Variants in ZBTB2 observed in about 807,000 individuals in gnomAD.
The protein encoded by ZBTB2 is zinc finger and BTB domain-containing protein 2.
Under a neutral mutation model 39.5 loss-of-function variants are expected in ZBTB2, and 2 were observed. The ratio of observed to expected loss-of-function variants is 0.05; its 90% confidence interval spans 0.02 to 0.16. The LOEUF (loss-of-function observed/expected upper bound fraction) is 0.16. Ranked by LOEUF, ZBTB2 falls within the 10% of genes least tolerant of loss-of-function variation. The pLI, the probability that ZBTB2 is intolerant of heterozygous loss-of-function variation, is 1.00. For synonymous variants in ZBTB2, 251 were observed against 256.6 expected, an observed-to-expected ratio of 0.98 and a Z score of 0.21; for missense variants, 391 against 653.0, an observed-to-expected ratio of 0.60 and a Z score of 4.37.
In ZBTB2 at chr6:151,366,155, T is replaced by C. The variant is rs375763873; in HGVS notation, c.911A>G (p.Lys304Arg). ...GGCTTCAGGCACTTCCATGGCATCTTTCCCGAGGTCAGCTGCATTGCTACA... is the reference window on the plus strand; with the variant it reads ...GGCTTCAGGCACTTCCATGGCATCTCTCCCGAGGTCAGCTGCATTGCTACA... ...TLCSNAADLGKDAMEVPEAGM... is the reference protein window; with the variant it reads ...TLCSNAADLGRDAMEVPEAGM... Residue 304 changes from lysine to arginine, a missense_variant, in exon 3 of 3, where the codon AAA (lysine) becomes AGA (arginine). Lys to Arg is a conservative substitution (Grantham distance 26, BLOSUM62 2). Around this residue, in one of 7 missense-constraint regions of ZBTB2, gnomAD observed 80 missense variants for 125.2 expected, o/e 0.64. Transcript: ENST00000325144. The surrounding 1 kb of genome is among the most constrained non-coding windows in gnomAD (Gnocchi z 7.1). 1.1e-5 allele frequency: 17 copies of C among 1,614,020 alleles called. No individual in the cohort carries two copies. The highest frequency in any genetic ancestry group is 5.3e-5 in the African/African-American group (4 of 74,908).
At chr6:151,373,121 C>T (rs1292683715) in intron 2 of ZBTB2, among the ~76,000 whole-genome samples, 1 of 130,748 alleles carries the variant, frequency 7.6e-6, no homozygotes, top group Non-Finnish European at 1.6e-5. Flanking sequence ...CACCACTGCA[C>T]TCCAGCCTAG....
Position 151,366,958 on chromosome 6 carries a change from G to GA in ZBTB2, c.174-67dup, listed in dbSNP as rs772117043. The GA allele has an allele frequency of 1.5e-5, 22 of 1,459,032 alleles. No individual in the cohort carries two copies. The highest frequency in any genetic ancestry group is 5.7e-5 in the African/African-American group (4 of 70,500). 90.4% of individuals were successfully genotyped at this position (1,459,032 alleles called of 1,614,324 possible). A position where few individuals can be genotyped will look rare whatever the true frequency, so the allele number is the denominator to read the frequency against. ...TCTAGGTGTTAACATAAAGCCTGAA[G>GA]AAAAAAATGAATGCTTAAAAACAAA... On this transcript the variant is annotated intron_variant, in intron 2 of 2. Coordinates refer to ENST00000325144, the MANE Select transcript of ZBTB2 (RefSeq NM_020861.3). The surrounding 1 kb of genome is among the most constrained non-coding windows in gnomAD (Gnocchi z 7.1).
At chr6:151,384,701 G>C (rs1164979742) in intron 1 of ZBTB2, among the ~76,000 whole-genome samples, 1 of 152,174 alleles carries the variant, frequency 6.6e-6, no homozygotes, top group Admixed American at 6.5e-5. Context: ...TTGGGTTTGA[G>C]ATACTTTTGA....
chr6:151,391,394 G>C (rs1303438622), intron 1 of ZBTB2, 26 bp downstream of exon 1: 1 of 151,954 alleles, frequency 6.6e-6, no homozygotes, highest in East Asian at 2.0e-4. Context: ...CACCGGCCCC[G>C]GGAGGCGGAG....
At chr6:151,374,125 C>G (rs149944804) in intron 1 of ZBTB2, among the ~76,000 whole-genome samples, 1 of 152,102 alleles carries the variant, frequency 6.6e-6, no homozygotes, top group Non-Finnish European at 1.5e-5. Context: ...AATTCTTCCA[C>G]AGAGATAGAT....
intron 1 of ZBTB2, among the ~76,000 whole-genome samples, chr6:151,374,799 A>AC (rs1778865387): frequency 8.9e-6 from 1 of 112,418 alleles, no homozygotes; most frequent in African/African-American, 2.6e-5. Flanking sequence ...CAAGGCATCT[A>AC]TTAAAAAAAA....
At chr6:151,387,988 G>A (rs1178093007) in intron 1 of ZBTB2, among the ~76,000 whole-genome samples, 1 of 151,800 alleles carries the variant, frequency 6.6e-6, no homozygotes, top group East Asian at 1.9e-4. Flanking sequence ...AGTTTAATTT[G>A]CTAGCACAAA....
intron 2 of ZBTB2, among the ~76,000 whole-genome samples, chr6:151,372,365 TGAG>T (rs1778805744): frequency 1.3e-5 from 2 of 151,788 alleles, no homozygotes; most frequent in African/African-American, 4.8e-5. Flanking sequence ...GAGTGTGGGA[TGAG>T]GAGAGTGCAG....
rs1778641983 is a variant in ZBTB2 at position 151,366,151 on chromosome 6, A to T, written c.915T>A (p.Asp305Glu). 6.2e-7 allele frequency: 1 copy of T among 1,613,940 alleles called. No homozygotes were observed. Among genetic ancestry groups the T allele is most frequent in the Non-Finnish European group, 8.5e-7 (1 of 1,180,034 alleles). The change falls in exon 3 of 3, where the codon GAT (aspartate) becomes GAA (glutamate). Residue 305 changes from aspartate (D) to glutamate (E), a missense_variant. Asp to Glu is a conservative substitution (Grantham distance 45). Around this residue, in one of 7 missense-constraint regions of ZBTB2, gnomAD observed 80 missense variants for 125.2 expected, o/e 0.64. Transcript: ENST00000325144. This position sits in a 1 kb window ranked among gnomAD's most constrained non-coding sequence, Gnocchi z 7.1. ...TCCCGGCTTCAGGCACTTCCATGGCATCTTTCCCGAGGTCAGCTGCATTGC... is the reference window on the plus strand; with the variant it reads ...TCCCGGCTTCAGGCACTTCCATGGCTTCTTTCCCGAGGTCAGCTGCATTGC... ...LCSNAADLGKDAMEVPEAGMI... is the reference protein window; with the variant it reads ...LCSNAADLGKEAMEVPEAGMI...
In ZBTB2 at chr6:151,365,614, A is replaced by T; in HGVS notation, c.1452T>A (p.Ile484=). ...DVFALDEGRS[I]LLGSGDSEVT... ...CTTCCGAGTCCCCACTGCCCAGGAGAATGGATCGCCCTTCGTCTAGGGCAA... is the reference window on the plus strand; with the variant it reads ...CTTCCGAGTCCCCACTGCCCAGGAGTATGGATCGCCCTTCGTCTAGGGCAA... Residue 484 remains isoleucine (I), a synonymous_variant, in exon 3 of 3, where the codon ATT becomes ATA. Transcript: ENST00000325144. The surrounding 1 kb of genome is among the most constrained non-coding windows in gnomAD (Gnocchi z 5.6). 6.2e-7 allele frequency: 1 copy of T among 1,614,186 alleles called. No homozygotes were observed. The highest frequency in any genetic ancestry group is 8.5e-7 in the Non-Finnish European group (1 of 1,180,040).
intron 2 of ZBTB2, among the ~76,000 whole-genome samples, chr6:151,371,715 C>T (rs749122520): frequency 7.2e-5 from 11 of 152,002 alleles, no homozygotes; most frequent in Non-Finnish European, 1.5e-4. Flanking sequence ...TCTGATCCAA[C>T]GAATAACCCA....
At chr6:151,373,366 G>A in intron 2 of ZBTB2, 99 bp downstream of exon 2, 1 of 1,316,890 alleles carries the variant, frequency 7.6e-7, no homozygotes, top group South Asian at 1.3e-5. Flanking sequence ...TCACCTAGGA[G>A]CTAGGAGACG....
chr6:151,390,423 G>C (rs1200655271), intron 1 of ZBTB2, among the ~76,000 whole-genome samples: 3 of 150,046 alleles, frequency 2.0e-5, no homozygotes, highest in Non-Finnish European at 4.5e-5. Flanking sequence ...CACGCTCGCC[G>C]CTTCCCTCAG....
intron 1 of ZBTB2, among the ~76,000 whole-genome samples, chr6:151,373,870 A>AAAAAAAAAAACAAAACAAAAC (rs1778843577): frequency 8.1e-6 from 1 of 123,568 alleles, no homozygotes; most frequent in African/African-American, 3.6e-5. Context: ...AAAAAAAAAA[A>AAAAAAAAAAACAAAACAAAAC]AAAAAAACCA....
chr6:151,389,816 G>A (rs1409374200), intron 1 of ZBTB2, among the ~76,000 whole-genome samples: 4 of 152,148 alleles, frequency 2.6e-5, no homozygotes, highest in Non-Finnish European at 5.9e-5. Flanking sequence ...TCCCGGCCCA[G>A]GCACTCGCCT....
intron 2 of ZBTB2, among the ~76,000 whole-genome samples, chr6:151,372,083 G>A (rs888083852): frequency 2.2e-4 from 34 of 152,116 alleles, no homozygotes; most frequent in African/African-American, 7.7e-4. Flanking sequence ...CAGCAGAGGC[G>A]AGATCTAGGA....
Position 151,364,150 on chromosome 6 carries a change from T to C in ZBTB2, c.*1371A>G, listed in dbSNP as rs1375468139. ...ATTAAACGTTTATTCAATGAAAGGATGTATAAAAACTTACAAATTTGAGAA... is the reference window on the plus strand; with the variant it reads ...ATTAAACGTTTATTCAATGAAAGGACGTATAAAAACTTACAAATTTGAGAA... On this transcript the variant is annotated 3_prime_UTR_variant, in exon 3 of 3. Coordinates refer to ENST00000325144, the MANE Select transcript of ZBTB2 (RefSeq NM_020861.3). The C allele has an allele frequency of 1.3e-5, 2 of 152,552 alleles. No individual in the cohort carries two copies. Among genetic ancestry groups the C allele is most frequent in the Non-Finnish European group, 2.9e-5 (2 of 68,028 alleles). 9.4% of individuals were successfully genotyped at this position (152,552 alleles called of 1,614,324 possible).
intron 1 of ZBTB2, among the ~76,000 whole-genome samples, chr6:151,385,677 T>A (rs1209632272): frequency 6.6e-6 from 1 of 152,190 alleles, no homozygotes; most frequent in Admixed American, 6.5e-5. Flanking sequence ...ATATTGTAAT[T>A]CAAAGGACAA....
rs750302478 is a variant in ZBTB2 at position 151,364,322 on chromosome 6, G to A, written c.*1199C>T. ...GAGGCCCTTCTTTTATTGGCCTAAC[G>A]GAAGATTAATGAACAATTTTTACTG... On this transcript the variant is annotated 3_prime_UTR_variant, in exon 3 of 3. Transcript: ENST00000325144. 2 of 152,318 alleles carry A rather than the reference G, an allele frequency of 1.3e-5. No individual in the cohort carries two copies. The highest frequency in any genetic ancestry group is 2.9e-5 in the Non-Finnish European group (2 of 67,982). The allele number at this position is 152,318 out of a possible 1,614,324, so 9.4% of individuals were successfully genotyped here.
Sources: allele counts gnomAD v4.1 joint callset (sites outside exome capture counted in the v4.1 genomes callset), GRCh38; gene constraint gnomAD v4.1.1; regional missense constraint gnomAD v4.1.1; non-coding constraint Gnocchi (gnomAD v3.1); transcripts MANE v1.5; gene names NCBI Gene and HGNC (gene_info 2026-07-23, HGNC 2026-07-21).